The following SNTG2 variants were observed in gnomAD, a reference collection of about 807,000 sequenced individuals.
SNTG2 encodes the protein gamma-2-syntrophin.
In SNTG2, 74 loss-of-function variants were observed where a neutral mutation model predicts 70.9. The ratio of observed to expected loss-of-function variants is 1.04; its 90% CI spans 0.86 to 1.27. The LOEUF is 1.27. SNTG2 is among the 50% of genes most tolerant of loss of function. The probability of loss-of-function intolerance (pLI) is 0.00; values close to 1 mark genes in which losing one functional copy is unlikely to be tolerated. For missense variants in SNTG2, 717 were observed against 690.7 expected, an observed-to-expected ratio of 1.04 and a Z score of -0.43; for synonymous variants, 278 against 273.8, an observed-to-expected ratio of 1.02 and a Z score of -0.15.
chr2:1,270,647 TAGTG>T (rs996473131), intron 14 of SNTG2, among the ~76,000 whole-genome samples: 8 of 152,148 alleles, frequency 5.3e-5, no homozygotes, highest in Non-Finnish European at 1.0e-4. Flanking sequence ...AGAAACAAAA[TAGTG>T]AGAAGGTGCC....
intron 9 of SNTG2, among the ~76,000 whole-genome samples, chr2:1,216,309 T>A (rs550727592): frequency 1.0e-3 from 159 of 152,364 alleles, no homozygotes; most frequent in African/African-American, 3.3e-3. Flanking sequence ...TGGCCAGTGA[T>A]GATGAGCATT....
At chr2:1,018,994 A>C (rs1200796174) in intron 1 of SNTG2, among the ~76,000 whole-genome samples, 1 of 152,220 alleles carries the variant, frequency 6.6e-6, no homozygotes, top group East Asian at 1.9e-4. Context: ...TACAGCACGC[A>C]TGCAGAGCTC....
chr2:1,360,735 C>T (rs1046506854), intron 16 of SNTG2, among the ~76,000 whole-genome samples: 4 of 152,252 alleles, frequency 2.6e-5, no homozygotes, highest in East Asian at 1.9e-4. Context: ...ATTTCACCCC[C>T]CTACATCCAG....
intron 1 of SNTG2, among the ~76,000 whole-genome samples, chr2:1,083,210 GA>G (rs1460515059): frequency 2.1e-5 from 3 of 145,316 alleles, no homozygotes; most frequent in African/African-American, 7.6e-5. Flanking sequence ...TTGGAAGTGG[GA>G]AAAATTATTA....
At chr2:953,692 C>T (rs1660053380) in intron 1 of SNTG2, among the ~76,000 whole-genome samples, 1 of 152,310 alleles carries the variant, frequency 6.6e-6, no homozygotes, top group South Asian at 2.1e-4. Flanking sequence ...AGTTACCTGA[C>T]TTTACCAGGA....
chr2:1,261,803 C>A (rs1678428122), intron 13 of SNTG2, among the ~76,000 whole-genome samples: 1 of 152,092 alleles, frequency 6.6e-6, no homozygotes, highest in African/African-American at 2.4e-5. Context: ...ACCTAAGGAG[C>A]ACTCTGTTTT....
At chr2:1,273,774 CAGA>C (rs1308007134) in intron 14 of SNTG2, among the ~76,000 whole-genome samples, 1 of 151,436 alleles carries the variant, frequency 6.6e-6, no homozygotes, top group Non-Finnish European at 1.5e-5. Flanking sequence ...GATACAAAAC[CAGA>C]AGCACAAACC....
At chr2:1,147,386 A>G (rs1370783689) in intron 6 of SNTG2, among the ~76,000 whole-genome samples, 1 of 152,254 alleles carries the variant, frequency 6.6e-6, no homozygotes, top group Non-Finnish European at 1.5e-5. Flanking sequence ...ATCAGCTGCC[A>G]GCATAGCCAG....
chr2:1,193,996 C>T (rs976745441), intron 8 of SNTG2, among the ~76,000 whole-genome samples: 7 of 152,264 alleles, frequency 4.6e-5, no homozygotes, highest in African/African-American at 1.7e-4. Context: ...GCCAGTCTGT[C>T]TCCCATCCCC....
chr2:1,223,763 C>G (rs1264525296), intron 9 of SNTG2, among the ~76,000 whole-genome samples: 1 of 152,130 alleles, frequency 6.6e-6, no homozygotes, highest in African/African-American at 2.4e-5. Context: ...TACATGACCT[C>G]AGCACACTAA....
intron 14 of SNTG2, among the ~76,000 whole-genome samples, chr2:1,303,532 G>T (rs1418617958): frequency 1.3e-5 from 2 of 152,194 alleles, no homozygotes; most frequent in African/African-American, 4.8e-5. Flanking sequence ...GCATTCATTA[G>T]AGAAGAGGAA....
At chr2:1,060,473 C>A (rs951596573) in intron 1 of SNTG2, among the ~76,000 whole-genome samples, 1 of 152,164 alleles carries the variant, frequency 6.6e-6, no homozygotes, top group African/African-American at 2.4e-5. Context: ...AGCATGAGAA[C>A]CCCAGCTCCC....
chr2:1,029,968 T>G (rs538080158), intron 1 of SNTG2, among the ~76,000 whole-genome samples: 1 of 152,312 alleles, frequency 6.6e-6, no homozygotes, highest in African/African-American at 2.4e-5. Flanking sequence ...ACACTCTCGC[T>G]AAATAGAAGC....
chr2:1,223,885 G>A (rs575600528), intron 9 of SNTG2, among the ~76,000 whole-genome samples: 1 of 151,756 alleles, frequency 6.6e-6, no homozygotes, highest in Admixed American at 6.6e-5. Flanking sequence ...CAGATGGGTG[G>A]CCTTATGCAG....
intron 9 of SNTG2, chr2:1,210,457 A>G (rs1031785676): frequency 2.6e-5 from 4 of 152,196 alleles, no homozygotes; most frequent in Non-Finnish European, 5.9e-5. Flanking sequence ...GTCCCATTAG[A>G]TTGTAAAGGA....
chr2:1,044,026 CCTT>C (rs1302703727), intron 1 of SNTG2, among the ~76,000 whole-genome samples: 4 of 151,998 alleles, frequency 2.6e-5, no homozygotes, highest in African/African-American at 7.2e-5. Context: ...CAGTATTGAT[CCTT>C]CTTATCCATG....
At chr2:1,317,403 G>C (rs1216341902) in intron 16 of SNTG2, among the ~76,000 whole-genome samples, 12 of 90,502 alleles carry the variant, frequency 1.3e-4, no homozygotes, top group South Asian at 1.3e-3. Flanking sequence ...CATGTAGCAT[G>C]AGGCCAGCAT....
intron 8 of SNTG2, among the ~76,000 whole-genome samples, chr2:1,208,582 T>C (rs570359273): frequency 2.0e-5 from 3 of 152,190 alleles, no homozygotes; most frequent in Non-Finnish European, 4.4e-5. Context: ...GGGCTTCCTG[T>C]CGAGAGCCGC....
intron 1 of SNTG2, among the ~76,000 whole-genome samples, chr2:1,039,575 C>A (rs999445875): frequency 1.3e-5 from 2 of 152,074 alleles, no homozygotes; most frequent in Non-Finnish European, 2.9e-5. Flanking sequence ...TCTTTGAGGG[C>A]CATCAATCTT....
Sources: gnomAD v4.1 joint callset for allele counts (sites outside exome capture counted in the v4.1 genomes callset) on GRCh38, gnomAD v4.1.1 for gene constraint, MANE v1.5 for transcripts, NCBI Gene and HGNC (gene_info 2026-07-23, HGNC 2026-07-21) for gene names.